Variants in CADM4 observed in about 807,000 individuals in gnomAD.
The protein encoded by CADM4 is TSLC1-like 2.
CADM4 carries 13 observed loss-of-function variants against 43.9 expected under a neutral mutation model. The observed-to-expected ratio is 0.30, with a 90% CI of 0.19 to 0.47. The LOEUF is 0.47. Among genes scored for constraint, CADM4 ranks in the 20% least tolerant of loss-of-function variants. CADM4 has a pLI of 1.00. For synonymous variants in CADM4, 209 were observed against 220.9 expected, an observed-to-expected ratio of 0.95 and a Z score of 0.48; for missense variants, 420 against 527.0, an observed-to-expected ratio of 0.80 and a Z score of 1.99.
intron 1 of CADM4, among the ~76,000 whole-genome samples, chr19:43,630,285 T>TTC (rs1568542404): frequency 7.4e-6 from 1 of 135,790 alleles, no homozygotes; most frequent in African/African-American, 2.9e-5. Flanking sequence ...TCTTTTCTTT[T>TTC]TTTTTTTTTT....
Position 43,623,389 on chromosome 19 carries a change from T to TTGCTTCTCC in CADM4, c.1099_1107dup (p.Gly367_Ala369dup). ...TCGCTGCCATTGAGGAAGGCTTCTC[T>TTGCTTCTCC]TGCTTCTCCCTGTTCATCCAAGCCA... On this transcript the variant is annotated inframe_insertion, in exon 9 of 9. Coordinates refer to ENST00000222374, the MANE Select transcript of CADM4 (RefSeq NM_145296.2). The surrounding 1 kb of genome is among the most constrained non-coding windows in gnomAD (Gnocchi z 4.4). The TTGCTTCTCC allele has an allele frequency of 1.2e-6, 2 of 1,614,162 alleles. No individual in the cohort carries two copies. The highest frequency in any genetic ancestry group is 1.7e-6 in the Non-Finnish European group (2 of 1,180,012).
At chr19:43,639,471 G>A (rs1389309409) in intron 1 of CADM4, among the ~76,000 whole-genome samples, 2 of 150,918 alleles carry the variant, frequency 1.3e-5, no homozygotes, top group Non-Finnish European at 3.0e-5. Context: ...GTGTGTAGGG[G>A]GGTCTCGGGC....
chr19:43,635,260 T>G (rs983129050), intron 1 of CADM4, among the ~76,000 whole-genome samples: 2 of 152,060 alleles, frequency 1.3e-5, no homozygotes, highest in Admixed American at 6.5e-5. Flanking sequence ...CCTGGCATCC[T>G]GCCTCCTTCC....
At chr19:43,641,739 A>G (rs1181146873), upstream of CADM4, among the ~76,000 whole-genome samples, 1 of 152,178 alleles carries the variant, frequency 6.6e-6, no homozygotes, top group Non-Finnish European at 1.5e-5. Context: ...GCTTCTGTAG[A>G]CTTGGGAAGA....
Position 43,627,845 on chromosome 19 carries a change from A to C in CADM4, c.65-55T>G, listed in dbSNP as rs1469459929. The C allele has an allele frequency of 1.3e-6, 2 of 1,547,192 alleles. No homozygotes were observed. Among genetic ancestry groups the C allele is most frequent in the Non-Finnish European group, 1.8e-6 (2 of 1,132,142 alleles). ...AAGACTTACTGAGAGCTGCAATTCAATTTTTTCTTTCTCCCTCTTCCCCAT... is the reference window on the plus strand; with the variant it reads ...AAGACTTACTGAGAGCTGCAATTCACTTTTTTCTTTCTCCCTCTTCCCCAT... On this transcript the variant is annotated intron_variant, in intron 1 of 8. Transcript: ENST00000222374. This position sits in a 1 kb window ranked among gnomAD's most constrained non-coding sequence, Gnocchi z 4.0.
chr19:43,626,687 A>G lies in CADM4; in HGVS notation c.499+97T>C. The G allele has an allele frequency of 7.0e-7, 1 of 1,425,696 alleles. No homozygotes were observed. The highest frequency in any genetic ancestry group is 2.4e-5 in the East Asian group (1 of 41,180). The allele number at this position is 1,425,696 out of a possible 1,614,324, so 88.3% of individuals were successfully genotyped here. ...ATCAACCACTACATATTGAATGTCC[A>G]GTGTCTGTGAAAACCTGTGGCTCCT... On this transcript the variant is annotated intron_variant, in intron 4 of 8. Transcript: ENST00000222374. The surrounding 1 kb of genome is among the most constrained non-coding windows in gnomAD (Gnocchi z 5.9).
Position 43,626,071 on chromosome 19 carries a change from G to T in CADM4, c.664+53C>A. The T allele has an allele frequency of 6.2e-7, 1 of 1,612,124 alleles. No individual in the cohort carries two copies. The stretch of plus-strand genomic sequence containing the variant: ...CGCAGGACAAGGGGGACCCTCGCGG[G>T]TGCGGGTGGCTGGCGTTGGGATCCC... On this transcript the variant is annotated intron_variant, in intron 5 of 8. Transcript: ENST00000222374. This position sits in a 1 kb window ranked among gnomAD's most constrained non-coding sequence, Gnocchi z 5.9.
chr19:43,629,033 T>C (rs1015713160), intron 1 of CADM4, among the ~76,000 whole-genome samples: 8 of 152,266 alleles, frequency 5.3e-5, no homozygotes, highest in Admixed American at 5.2e-4. Context: ...TCTGTTCTAC[T>C]GCTAAAGTTA....
chr19:43,639,756 A>G lies in CADM4; in HGVS notation c.35T>C (p.Leu12Pro). The G allele has an allele frequency of 9.8e-7, 1 of 1,025,350 alleles. No individual in the cohort carries two copies. The highest frequency in any genetic ancestry group is 3.3e-5 in the South Asian group (1 of 30,230). 63.5% of individuals were successfully genotyped at this position (1,025,350 alleles called of 1,614,324 possible). ...CCCCGCCGCGGCCGCCCACAGCAGC[A>G]GCAGCGGCCACTGGAAGCGCCGGGC... ...GRARRFQWPLLLLWAAAAGPG... is the reference protein window; with the variant it reads ...GRARRFQWPLPLLWAAAAGPG... The change falls in exon 1 of 9, where the codon CTG (leucine) becomes CCG (proline). Residue 12 changes from leucine (L) to proline (P), a missense_variant. Coordinates refer to ENST00000222374, the MANE Select transcript of CADM4 (RefSeq NM_145296.2).
chr19:43,641,280 T>A (rs1156490506), upstream of CADM4, among the ~76,000 whole-genome samples: 1 of 152,174 alleles, frequency 6.6e-6, no homozygotes, highest in African/African-American at 2.4e-5. Flanking sequence ...AATCCTTACT[T>A]TTTATTCCGA....
At chr19:43,624,995 G>A in intron 7 of CADM4, 83 bp downstream of exon 7, 5 of 1,395,390 alleles carry the variant, frequency 3.6e-6, no homozygotes, top group East Asian at 2.6e-5. Context: ...GAACCCCTGA[G>A]TTATGTGGCC....
In CADM4 at chr19:43,625,454, C is replaced by A. The variant is rs1268706548; in HGVS notation, c.756-204G>T. On this transcript the variant is annotated intron_variant, in intron 6 of 8. Coordinates refer to ENST00000222374, the MANE Select transcript of CADM4 (RefSeq NM_145296.2). The surrounding 1 kb of genome is among the most constrained non-coding windows in gnomAD (Gnocchi z 4.5). ...AAGGTCTCAGGAATTCTAGCCCAGG[C>A]TGAACATGGTGGCTTATGCCTGCAA... 2.0e-5 allele frequency among the ~76,000 whole-genome samples: 3 copies of A among 152,220 alleles called. No homozygotes were observed. Among genetic ancestry groups the A allele is most frequent in the Non-Finnish European group, 4.4e-5 (3 of 68,042 alleles).
In CADM4 at chr19:43,625,378, T is replaced by A. The variant is rs1415791439; in HGVS notation, c.756-128A>T. 1.1e-6 allele frequency: 1 copy of A among 938,122 alleles called. No individual in the cohort carries two copies. The highest frequency in any genetic ancestry group is 1.7e-5 in the African/African-American group (1 of 59,828). 58.1% of individuals were successfully genotyped at this position (938,122 alleles called of 1,614,324 possible). A position where few individuals can be genotyped will look rare whatever the true frequency, so the allele number is the denominator to read the frequency against. On this transcript the variant is annotated intron_variant, in intron 6 of 8. Transcript: ENST00000222374. This position sits in a 1 kb window ranked among gnomAD's most constrained non-coding sequence, Gnocchi z 4.5. ...TCCAAATAAGAGGCTTCCTGCTATC[T>A]CTTTCCTTTCTGGAAAACCAACAGT... is the stretch of plus-strand genomic sequence containing the variant.
At position 43,639,722 on chromosome 19, in the gene CADM4, C is replaced by A; in HGVS notation, c.64+5G>T. The stretch of plus-strand genomic sequence containing the variant: ...CGGCCGGCCGACCCCGGCCCCCGAC[C>A]CTACCTGGCCCCGCCGCGGCCGCCC... On this transcript the variant is annotated splice_donor_5th_base_variant and intron_variant, in intron 1 of 8. Coordinates refer to ENST00000222374, the MANE Select transcript of CADM4 (RefSeq NM_145296.2). 2 of 1,004,952 alleles carry A rather than the reference C, an allele frequency of 2.0e-6. No individual in the cohort carries two copies. Among genetic ancestry groups the A allele is most frequent in the African/African-American group, 1.8e-5 (1 of 57,062 alleles). The allele number at this position is 1,004,952 out of a possible 1,614,324, so 62.3% of individuals were successfully genotyped here.
Position 43,623,282 on chromosome 19 carries a change from G to A in CADM4, c.*48C>T. On this transcript the variant is annotated 3_prime_UTR_variant, in exon 9 of 9. Coordinates refer to ENST00000222374, the MANE Select transcript of CADM4 (RefSeq NM_145296.2). The surrounding 1 kb of genome is among the most constrained non-coding windows in gnomAD (Gnocchi z 4.4). ...GCTGGTTCCTTGCAGCTGGCAGTGG[G>A]GGGGACCCCAGCCCAGGCCCAGGCC... The A allele has an allele frequency of 1.4e-6, 2 of 1,422,330 alleles. No homozygotes were observed. The highest frequency in any genetic ancestry group is 2.0e-6 in the Non-Finnish European group (2 of 1,008,830). 88.1% of individuals were successfully genotyped at this position (1,422,330 alleles called of 1,614,324 possible). A position where few individuals can be genotyped will look rare whatever the true frequency, so the allele number is the denominator to read the frequency against.
intron 8 of CADM4, 39 bp downstream of exon 8, chr19:43,624,075 A>C (rs771179865): frequency 1.2e-6 from 2 of 1,610,548 alleles, no homozygotes; most frequent in Admixed American, 1.7e-5. Flanking sequence ...CGAGCCCTAC[A>C]ACCAACCAAC....
In CADM4 at chr19:43,625,917, T is replaced by C; in HGVS notation, c.749A>G (p.Asn250Ser). The change falls in exon 6 of 9, where the codon AAC becomes AGC. Residue 250 changes from asparagine (N) to serine (S), a missense_variant. By Grantham distance (46) the Asn-to-Ser change is conservative. Transcript: ENST00000222374. This position sits in a 1 kb window ranked among gnomAD's most constrained non-coding sequence, Gnocchi z 4.5. ...TLVLTCAVTGNPRPNQIRWNR... is the reference protein window; with the variant it reads ...TLVLTCAVTGSPRPNQIRWNR... Reference sequence around the variant, plus strand: ...GGAGGCCCCCAGAGCTCACCTGGGGTTCCCCGTGACAGCACACGTCAACAC... The same window carrying C: ...GGAGGCCCCCAGAGCTCACCTGGGGCTCCCCGTGACAGCACACGTCAACAC... 6.2e-7 allele frequency: 1 copy of C among 1,613,936 alleles called. No individual in the cohort carries two copies. Among genetic ancestry groups the C allele is most frequent in the Non-Finnish European group, 8.5e-7 (1 of 1,179,904 alleles).
chr19:43,633,593 A>G (rs1973657915), intron 1 of CADM4, among the ~76,000 whole-genome samples: 1 of 152,150 alleles, frequency 6.6e-6, no homozygotes, highest in African/African-American at 2.4e-5. Flanking sequence ...AACTTGCTAC[A>G]TGAATTACAT....
At chr19:43,628,996 T>G (rs1973576443) in intron 1 of CADM4, among the ~76,000 whole-genome samples, 2 of 152,214 alleles carry the variant, frequency 1.3e-5, no homozygotes, top group Non-Finnish European at 1.5e-5. Context: ...AGGTGGTGGT[T>G]GTTTTAAGCT....
Sources: allele counts gnomAD v4.1 joint callset (sites outside exome capture counted in the v4.1 genomes callset), GRCh38; gene constraint gnomAD v4.1.1; non-coding constraint Gnocchi (gnomAD v3.1); transcripts MANE v1.5; gene names NCBI Gene and HGNC (gene_info 2026-07-23, HGNC 2026-07-21).